AP2A1: variants seen among roughly 807,000 people sequenced by gnomAD.
AP2A1 encodes adaptor related protein complex 2 subunit alpha 1.
AP2A1 carries 21 observed loss-of-function variants against 107.3 expected under a neutral mutation model. The ratio of observed to expected loss-of-function variants is 0.20; its 90% confidence interval spans 0.14 to 0.28. The LOEUF (loss-of-function observed/expected upper bound fraction) is 0.28, where lower values mean the gene tolerates loss of function less well. AP2A1 is among the 10% of genes least tolerant of loss of function. The pLI is 1.00. For synonymous variants in AP2A1, 602 were observed against 564.8 expected (o/e 1.07, Z -0.93); for missense variants, 873 against 1,307.7 (o/e 0.67, Z 5.13).
At chr19:49,798,402 C>T (rs1600238274) in intron 7 of AP2A1, among the ~76,000 whole-genome samples, 1 of 152,224 alleles carries the variant, frequency 6.6e-6, no homozygotes, top group African/African-American at 2.4e-5. Flanking sequence ...GCTCAGCACT[C>T]ACACCAGTCC....
intron 18 of AP2A1, 40 bp downstream of exon 18, chr19:49,803,416 G>A (rs773422055): frequency 8.3e-6 from 13 of 1,574,450 alleles, no homozygotes; most frequent in Admixed American, 5.0e-5. Context: ...GCCTCTCCAC[G>A]TCGGCCTTCC....
chr19:49,786,599 G>T (rs146122254), intron 4 of AP2A1, among the ~76,000 whole-genome samples: 1 of 152,230 alleles, frequency 6.6e-6, no homozygotes, highest in Non-Finnish European at 1.5e-5. Flanking sequence ...TCTGGCAGGG[G>T]GGGTGGGAGT....
At chr19:49,793,768 G>C (rs576844025) in intron 6 of AP2A1, among the ~76,000 whole-genome samples, 1 of 152,134 alleles carries the variant, frequency 6.6e-6, no homozygotes, top group East Asian at 1.9e-4. Flanking sequence ...GTCCACGAAG[G>C]CTTCCTGGGG....
At chr19:49,771,320 A>G (rs1230218005) in intron 1 of AP2A1, among the ~76,000 whole-genome samples, 4 of 151,416 alleles carry the variant, frequency 2.6e-5, no homozygotes, top group Non-Finnish European at 5.9e-5. Context: ...AAAAAAAAAA[A>G]AAAAAAGAAA....
rs1263419424 is a variant in AP2A1, at chr19:49,785,221, G to A, written c.473+2497G>A. Reference sequence around the variant, plus strand: ...ATAGGCCAGGAAATCATAAGCAAAAGTACAGACTGTAGGGGGTGACTGTGG... The same window carrying A: ...ATAGGCCAGGAAATCATAAGCAAAAATACAGACTGTAGGGGGTGACTGTGG... On this transcript the variant is annotated intron_variant, in intron 4 of 22. Transcript: ENST00000354293. The surrounding 1 kb of genome is among the most constrained non-coding windows in gnomAD (Gnocchi z 4.1). 6.6e-6 allele frequency among the ~76,000 whole-genome samples: 1 copy of A among 152,180 alleles called. No homozygotes were observed. Among genetic ancestry groups the A allele is most frequent in the Non-Finnish European group, 1.5e-5 (1 of 68,038 alleles).
intron 4 of AP2A1, among the ~76,000 whole-genome samples, chr19:49,783,675 G>A (rs1317782417): frequency 2.0e-5 from 3 of 152,240 alleles, no homozygotes; most frequent in Non-Finnish European, 2.9e-5. Context: ...GCGTGCTGGA[G>A]CCAGCATTTG....
At chr19:49,767,685 C>T (rs2084517519) in intron 1 of AP2A1, among the ~76,000 whole-genome samples, 1 of 151,910 alleles carries the variant, frequency 6.6e-6, no homozygotes, top group Admixed American at 6.6e-5. Context: ...TAGGGGGTGT[C>T]ATACAGGGGA....
chr19:49,775,476 G>A (rs1320812416), intron 1 of AP2A1, among the ~76,000 whole-genome samples: 1 of 151,916 alleles, frequency 6.6e-6, no homozygotes, highest in East Asian at 1.9e-4. Flanking sequence ...CACCATGCCC[G>A]GCTAATTTTT....
At position 49,799,600 on chromosome 19, in the gene AP2A1, C is replaced by T. The variant is rs1479435658; in HGVS notation, c.1135-29C>T. The stretch of plus-strand genomic sequence containing the variant: ...CCCTGTGCCAACAGGGAGTCTAAAA[C>T]ACACCTGGGCTCTGCTCTCCGCCCT... On this transcript the variant is annotated intron_variant, in intron 9 of 22. Transcript: ENST00000354293. 1.9e-6 allele frequency: 3 copies of T among 1,603,502 alleles called. No homozygotes were observed. In the South Asian group the frequency reaches 3.3e-5, roughly 18 times the overall value.
At chr19:49,770,891 G>A (rs990806620) in intron 1 of AP2A1, among the ~76,000 whole-genome samples, 11 of 152,016 alleles carry the variant, frequency 7.2e-5, no homozygotes, top group African/African-American at 2.4e-4. Flanking sequence ...TCACTCTGTC[G>A]CCCAGGCTGG....
chr19:49,801,381 T>G lies in AP2A1; in HGVS notation c.1554-9T>G, dbSNP rs2073277175. On this transcript the variant is annotated splice_polypyrimidine_tract_variant and intron_variant, in intron 12 of 22. Coordinates refer to ENST00000354293, the MANE Select transcript of AP2A1 (RefSeq NM_130787.3). ...ACCTGGCCCCGCTGACACCCACTCC[T>G]GCACACAGCCCCCCAGTGCAGTTCT... 1.9e-6 allele frequency: 3 copies of G among 1,611,988 alleles called. No homozygotes were observed. Among genetic ancestry groups the G allele is most frequent in the Non-Finnish European group, 1.7e-6 (2 of 1,179,200 alleles).
At chr19:49,796,109 C>A in intron 7 of AP2A1, 1 of 252,592 alleles carries the variant, frequency 4.0e-6, no homozygotes, top group Non-Finnish European at 7.8e-6. Flanking sequence ...CCAGGCCGTG[C>A]TACCTGAATT....
chr19:49,805,784 G>C lies in AP2A1; in HGVS notation c.2585+7G>C, dbSNP rs2073365870. The C allele has an allele frequency of 1.2e-6, 2 of 1,605,866 alleles. No homozygotes were observed. The highest frequency in any genetic ancestry group is 1.3e-5 in the African/African-American group (1 of 74,584). On this transcript the variant is annotated splice_region_variant and intron_variant, in intron 20 of 22. Coordinates refer to ENST00000354293, the MANE Select transcript of AP2A1 (RefSeq NM_130787.3). ...GCTGGAAGCAGCTGAGCCTGTGAGG[G>C]GTGGGGAGGGGGCGGAGCCAAAGCC...
chr19:49,778,050 T>C (rs533190357), intron 1 of AP2A1, among the ~76,000 whole-genome samples: 1 of 152,236 alleles, frequency 6.6e-6, no homozygotes, highest in Admixed American at 6.5e-5. Flanking sequence ...TTTCTTTAAA[T>C]TTAAAGAATA....
At chr19:49,805,381 T>C (rs2123766845) in intron 18 of AP2A1, 72 bp from the exon 19 acceptor site, 1 of 1,452,614 alleles carries the variant, frequency 6.9e-7, no homozygotes, top group Non-Finnish European at 9.1e-7. Context: ...TGCCGGGAGC[T>C]CTGGGGTTCC....
intron 6 of AP2A1, among the ~76,000 whole-genome samples, chr19:49,793,970 G>A (rs1172572354): frequency 1.4e-5 from 2 of 138,782 alleles, no homozygotes; most frequent in Non-Finnish European, 3.0e-5. Context: ...GCAGTGGCGC[G>A]ATCTCGGCTC....
chr19:49,799,192 G>T (rs1368201868), intron 8 of AP2A1, 135 bp from the exon 9 acceptor site: 1 of 1,202,690 alleles, frequency 8.3e-7, no homozygotes, highest in Non-Finnish European at 1.1e-6. Context: ...TGGAGGTGCA[G>T]TACTGCGATG....
intron 1 of AP2A1, among the ~76,000 whole-genome samples, chr19:49,780,426 T>A (rs2123685898): frequency 6.6e-6 from 1 of 152,302 alleles, no homozygotes; most frequent in African/African-American, 2.4e-5. Flanking sequence ...GTGAAGGCCC[T>A]TGAGGCAAGA....
Position 49,792,033 on chromosome 19 carries a change from G to T in AP2A1, c.572G>T (p.Arg191Leu). The T allele has an allele frequency of 6.2e-7, 1 of 1,612,642 alleles. No homozygotes were observed. The highest frequency in any genetic ancestry group is 8.5e-7 in the Non-Finnish European group (1 of 1,179,476). The change falls in exon 5 of 23, where the codon CGT (arginine) becomes CTT (leucine). Residue 191 changes from arginine to leucine, a missense_variant. Physicochemically the swap from Arg to Leu is moderately radical, Grantham distance 102. Transcript: ENST00000354293. ...GTGCCCATGGGCGAGTGGACGGCGC[G>T]TGTGGTACACCTGCTCAATGACCAG... ...DLVPMGEWTA[R>L]VVHLLNDQHM... is the part of the protein sequence containing the mutation.
Sources: allele counts gnomAD v4.1 joint callset (sites outside exome capture counted in the v4.1 genomes callset), GRCh38; gene constraint gnomAD v4.1.1; non-coding constraint Gnocchi (gnomAD v3.1); transcripts MANE v1.5; gene names NCBI Gene and HGNC (gene_info 2026-07-23, HGNC 2026-07-21).